Variants in LRRK1 observed in about 807,000 individuals in gnomAD.
The protein encoded by LRRK1 is leucine-rich repeat serine/threonine-protein kinase 1.
A neutral mutation model predicts 209.1 loss-of-function variants in LRRK1; 113 were observed. That is an observed-to-expected ratio of 0.54 (90% CI 0.46 to 0.63). The LOEUF (loss-of-function observed/expected upper bound fraction) is 0.63, where lower values mean the gene tolerates loss of function less well. LRRK1 is among the 30% of genes least tolerant of loss of function. The probability of loss-of-function intolerance (pLI) is 0.00; values close to 1 mark genes in which losing one functional copy is unlikely to be tolerated. For missense variants in LRRK1, 2,284 were observed against 2,632.2 expected, an observed-to-expected ratio of 0.87 and a Z score of 2.89; for synonymous variants, 1,144 against 1,099.7, an observed-to-expected ratio of 1.04 and a Z score of -0.80.
At chr15:101,059,030 G>A (rs1046688003) in intron 29 of LRRK1, among the ~76,000 whole-genome samples, 8 of 152,246 alleles carry the variant, frequency 5.3e-5, no homozygotes, top group Middle Eastern at 3.4e-3. Context: ...GTGAGTTTGC[G>A]TCAGGTTTTA....
At chr15:101,012,860 C>G (rs1400293467) in intron 10 of LRRK1, among the ~76,000 whole-genome samples, 1 of 152,176 alleles carries the variant, frequency 6.6e-6, no homozygotes, top group Non-Finnish European at 1.5e-5. Flanking sequence ...AGGGACAGGA[C>G]TCACGCTTCT....
In LRRK1 at chr15:101,061,792, C is replaced by T. The variant is rs56931603; in HGVS notation, c.4797+504C>T. The stretch of plus-strand genomic sequence containing the variant: ...TTGGGAGGCCAAGATAGGAGGATCA[C>T]GAGGTCAAGAGATTGAGACCATCCT... On this transcript the variant is annotated intron_variant, in intron 30 of 33. Coordinates refer to ENST00000388948, the MANE Select transcript of LRRK1 (RefSeq NM_024652.6). 7.6e-3 allele frequency among the ~76,000 whole-genome samples: 1,163 copies of T among 152,248 alleles called. 18 individuals carry two copies. Among genetic ancestry groups the T allele is most frequent in the African/African-American group, 0.026 (1,098 of 41,546 alleles).
chr15:101,002,795 G>A (rs1457781164), intron 6 of LRRK1, among the ~76,000 whole-genome samples: 1 of 152,178 alleles, frequency 6.6e-6, no homozygotes, highest in Non-Finnish European at 1.5e-5. Flanking sequence ...GTGCAGGGGT[G>A]CAATCTCAGC....
chr15:101,052,829 C>A, intron 24 of LRRK1, 93 bp from the exon 25 acceptor site: 2 of 1,432,922 alleles, frequency 1.4e-6, no homozygotes, highest in South Asian at 1.3e-5. Context: ...GGCTTTGAAC[C>A]ATGACTCTCG....
At chr15:101,061,882 T>G (rs534932432) in intron 30 of LRRK1, among the ~76,000 whole-genome samples, 1 of 152,236 alleles carries the variant, frequency 6.6e-6, no homozygotes, top group Admixed American at 6.5e-5. Flanking sequence ...TGGTGGTGCG[T>G]GAGTGTTCCC....
intron 2 of LRRK1, among the ~76,000 whole-genome samples, chr15:100,957,007 C>T (rs2042779766): frequency 6.6e-6 from 1 of 152,160 alleles, no homozygotes; most frequent in Non-Finnish European, 1.5e-5. Flanking sequence ...TTCGACTTGT[C>T]TGAAGATACT....
intron 33 of LRRK1, 113 bp downstream of exon 33, chr15:101,066,854 T>C: frequency 2.1e-6 from 2 of 963,576 alleles, no homozygotes; most frequent in Non-Finnish European, 1.6e-6. Flanking sequence ...CCAAATAGCA[T>C]AGCCACTAAC....
At chr15:100,939,100 A>T (rs1309401043) in intron 2 of LRRK1, among the ~76,000 whole-genome samples, 3 of 152,156 alleles carry the variant, frequency 2.0e-5, no homozygotes, top group African/African-American at 7.2e-5. Flanking sequence ...TCTCAAAATA[A>T]ATAAAAAAGT....
Position 101,027,492 on chromosome 15 carries a change from G to T in LRRK1, c.2526+111G>T. On this transcript the variant is annotated intron_variant, in intron 18 of 33. Coordinates refer to ENST00000388948, the MANE Select transcript of LRRK1 (RefSeq NM_024652.6). The surrounding 1 kb of genome is among the most constrained non-coding windows in gnomAD (Gnocchi z 5.1). ...CCATGTCTGTGTGGCAAGGCTCGGT[G>T]GTTCCTGGTGAGGGAGGGTCAGGAT... The T allele has an allele frequency of 6.6e-7, 1 of 1,518,472 alleles. No homozygotes were observed. Among genetic ancestry groups the T allele is most frequent in the South Asian group, 1.3e-5 (1 of 78,918 alleles). 94.1% of individuals were successfully genotyped at this position (1,518,472 alleles called of 1,614,324 possible). A position where few individuals can be genotyped will look rare whatever the true frequency, so the allele number is the denominator to read the frequency against.
At chr15:100,931,370 G>A (rs1310819431) in intron 2 of LRRK1, among the ~76,000 whole-genome samples, 2 of 152,122 alleles carry the variant, frequency 1.3e-5, no homozygotes, top group Non-Finnish European at 2.9e-5. Context: ...AATAACTTAC[G>A]TGACACTTTG....
chr15:100,965,667 TA>T (rs2030404358), intron 2 of LRRK1, among the ~76,000 whole-genome samples: 1 of 152,104 alleles, frequency 6.6e-6, no homozygotes, highest in South Asian at 2.1e-4. Context: ...CCACTGCCTT[TA>T]AAAATCAAAC....
In LRRK1 at chr15:101,027,693, G is replaced by A. The variant is rs778989938; in HGVS notation, c.2582G>A (p.Arg861His). ...GCCGTGCTGGCAGAGCAGCAGCGCC[G>A]CAGCCGGGACGACGACGTGCAGTAC... ...QEAVLAEQQR[R>H]SRDDDVQYLT... The change falls in exon 19 of 34, where the codon CGC (arginine) becomes CAC (histidine). Residue 861 changes from arginine to histidine, a missense_variant. Coordinates refer to ENST00000388948, the MANE Select transcript of LRRK1 (RefSeq NM_024652.6). This position sits in a 1 kb window ranked among gnomAD's most constrained non-coding sequence, Gnocchi z 5.1. 8.7e-6 allele frequency: 14 copies of A among 1,612,968 alleles called. No individual in the cohort carries two copies. Among genetic ancestry groups the A allele is most frequent in the East Asian group, 4.5e-5 (2 of 44,868 alleles).
Position 101,012,134 on chromosome 15 carries a change from T to C in LRRK1, c.1408T>C (p.Phe470Leu), listed in dbSNP as rs1478879427. 3 of 1,608,192 alleles carry C rather than the reference T, an allele frequency of 1.9e-6. No homozygotes were observed. The highest frequency in any genetic ancestry group is 1.7e-6 in the Non-Finnish European group (2 of 1,178,542). The stretch of plus-strand genomic sequence containing the variant: ...ACTCAAAGAAGTTCCCCTGGGACTT[T>C]TCCAGCTTGATGTAAGCCTAATAGC... ...NALKEVPLGLFQLDALMFLRL... is the reference protein window; with the variant it reads ...NALKEVPLGLLQLDALMFLRL... The change falls in exon 10 of 34, where the codon TTC (phenylalanine) becomes CTC (leucine). Residue 470 changes from phenylalanine to leucine, a missense_variant. Phe to Leu is a conservative substitution (Grantham distance 22). Around this residue, in one of 6 missense-constraint regions of LRRK1, gnomAD observed 494 missense variants for 522.1 expected, o/e 0.95. Coordinates refer to ENST00000388948, the MANE Select transcript of LRRK1 (RefSeq NM_024652.6).
At chr15:100,951,960 A>G (rs1256564337) in intron 2 of LRRK1, among the ~76,000 whole-genome samples, 1 of 137,310 alleles carries the variant, frequency 7.3e-6, no homozygotes, top group African/African-American at 2.6e-5. Context: ...TCTCAGAAAA[A>G]AAAAAATAAT....
At chr15:100,953,502 G>T (rs1473658583) in intron 2 of LRRK1, among the ~76,000 whole-genome samples, 3 of 68,120 alleles carry the variant, frequency 4.4e-5, no homozygotes, top group Non-Finnish European at 5.8e-5. Flanking sequence ...GTGTGTATGT[G>T]TGTGTCTATA....
chr15:101,044,326 C>G (rs1260064363), intron 20 of LRRK1, among the ~76,000 whole-genome samples: 1 of 152,254 alleles, frequency 6.6e-6, no homozygotes, highest in Admixed American at 6.5e-5. Flanking sequence ...CGGCCCCTGT[C>G]TGAGGCTGTC....
intron 11 of LRRK1, among the ~76,000 whole-genome samples, chr15:101,014,724 T>C (rs759578906): frequency 2.0e-5 from 3 of 152,192 alleles, no homozygotes; most frequent in Non-Finnish European, 4.4e-5. Context: ...CTCCTCTTCT[T>C]ATAAGGACAC....
intron 3 of LRRK1, among the ~76,000 whole-genome samples, chr15:100,982,832 T>G (rs1172307973): frequency 6.6e-6 from 1 of 152,248 alleles, no homozygotes. Flanking sequence ...CCCTTCCTCA[T>G]GAAGCAGGTA....
chr15:100,958,255 A>G (rs1426283928), intron 2 of LRRK1, among the ~76,000 whole-genome samples: 1 of 152,182 alleles, frequency 6.6e-6, no homozygotes, highest in Non-Finnish European at 1.5e-5. Context: ...TAAATAAGGG[A>G]ACTATCAGAG....
Sources: gnomAD v4.1 joint callset for allele counts (sites outside exome capture counted in the v4.1 genomes callset) on GRCh38, gnomAD v4.1.1 for gene constraint, gnomAD v4.1.1 regional missense constraint, Gnocchi (gnomAD v3.1) non-coding constraint, MANE v1.5 for transcripts, NCBI Gene and HGNC (gene_info 2026-07-23, HGNC 2026-07-21) for gene names.